CACNG4: variants seen among roughly 807,000 people sequenced by gnomAD.
CACNG4 encodes calcium voltage-gated channel auxiliary subunit gamma 4.
In CACNG4, 8 loss-of-function variants were observed where a neutral mutation model predicts 22.9. The observed-to-expected ratio is 0.35, with a 90% CI of 0.21 to 0.63. The LOEUF is 0.63. CACNG4 is among the 30% of genes least tolerant of loss of function. CACNG4 has a pLI of 0.72. For missense variants in CACNG4, 357 were observed against 455.4 expected, an observed-to-expected ratio of 0.78 and a Z score of 1.97; for synonymous variants, 188 against 191.9, an observed-to-expected ratio of 0.98 and a Z score of 0.17.
rs768277774 is a variant in CACNG4 at position 67,031,010 on chromosome 17, C to T, written c.*6C>T. 6.2e-7 allele frequency: 1 copy of T among 1,604,974 alleles called. No individual in the cohort carries two copies. Among genetic ancestry groups the T allele is most frequent in the Admixed American group, 1.7e-5 (1 of 59,676 alleles). ...GACGGACGACCCCTGTGTGAGCCGC[C>T]TGCCCTTTCTCTCCGCTCCAGCCTC... On this transcript the variant is annotated 3_prime_UTR_variant, in exon 4 of 4. Coordinates refer to ENST00000262138, the MANE Select transcript of CACNG4 (RefSeq NM_014405.4). This position sits in a 1 kb window ranked among gnomAD's most constrained non-coding sequence, Gnocchi z 4.0.
rs2035596312 is a variant in CACNG4 at position 67,030,451 on chromosome 17, C to A, written c.446-15C>A. 3 of 1,610,496 alleles carry A rather than the reference C, an allele frequency of 1.9e-6. No individual in the cohort carries two copies. Among genetic ancestry groups the A allele is most frequent in the Non-Finnish European group, 1.7e-6 (2 of 1,177,274 alleles). Reference sequence around the variant, plus strand: ...CCTCCCTGGCCCCGCTCCCCGCTCCCCGCTTCCCTTTCAGGCCTCAGTAAC... The same window carrying A: ...CCTCCCTGGCCCCGCTCCCCGCTCCACGCTTCCCTTTCAGGCCTCAGTAAC... On this transcript the variant is annotated splice_polypyrimidine_tract_variant and intron_variant, in intron 3 of 3. Coordinates refer to ENST00000262138, the MANE Select transcript of CACNG4 (RefSeq NM_014405.4). This position sits in a 1 kb window ranked among gnomAD's most constrained non-coding sequence, Gnocchi z 6.4.
At chr17:66,972,924 T>TCAAAAA (rs147142904) in intron 1 of CACNG4, among the ~76,000 whole-genome samples, 5 of 148,286 alleles carry the variant, frequency 3.4e-5, no homozygotes, top group African/African-American at 1.0e-4. Context: ...AGACTCTGTC[T>TCAAAAA]CAAAAACAAA....
Position 67,030,443 on chromosome 17 carries a change from C to A in CACNG4, c.446-23C>A. ...CCTCTCTCCCTCCCTGGCCCCGCTC[C>A]CCGCTCCCCGCTTCCCTTTCAGGCC... On this transcript the variant is annotated intron_variant, in intron 3 of 3. Transcript: ENST00000262138. The surrounding 1 kb of genome is among the most constrained non-coding windows in gnomAD (Gnocchi z 6.4). 6.2e-7 allele frequency: 1 copy of A among 1,607,982 alleles called. No individual in the cohort carries two copies. The highest frequency in any genetic ancestry group is 8.5e-7 in the Non-Finnish European group (1 of 1,175,864).
chr17:67,017,315 G>T (rs1163118507), intron 1 of CACNG4, among the ~76,000 whole-genome samples: 1 of 152,100 alleles, frequency 6.6e-6, no homozygotes, highest in Non-Finnish European at 1.5e-5. Context: ...GGGCTTAAGC[G>T]ATCCGCCCTC....
chr17:67,003,057 A>C (rs1312929540), intron 1 of CACNG4, among the ~76,000 whole-genome samples: 3 of 152,040 alleles, frequency 2.0e-5, no homozygotes, highest in African/African-American at 7.2e-5. Flanking sequence ...ATAGGGGGCA[A>C]ACCTGGCCTG....
rs201426250 is a variant in CACNG4, at chr17:67,024,996, T to C, written c.441T>C (p.Ala147=). 3 of 1,590,888 alleles carry C rather than the reference T, an allele frequency of 1.9e-6. No individual in the cohort carries two copies. The East Asian group carries it at 6.9e-5, about 37-fold the overall frequency. The part of the protein sequence containing the change: ...IVLSAGILFV[A]AGLSNIIGII... The stretch of plus-strand genomic sequence containing the variant: ...TCAGTGCCGGCATCCTCTTCGTGGC[T>C]GCAGGTGAGCCGCCCGCCCGGGCTG... Residue 147 remains alanine, a synonymous_variant, in exon 3 of 4, where the codon GCT becomes GCC. Transcript: ENST00000262138.
rs1262801308 is a variant in CACNG4 at position 66,984,206 on chromosome 17, C to T, written c.220+19075C>T. ...CCAGTTTGGCAACATAATGAGACCC[C>T]GTTTCTAACAACAACAAAAAATTAA... On this transcript the variant is annotated intron_variant, in intron 1 of 3. Transcript: ENST00000262138. This position sits in a 1 kb window ranked among gnomAD's most constrained non-coding sequence, Gnocchi z 4.0. Among the ~76,000 whole-genome samples, 1 of 152,082 alleles carries T rather than the reference C, an allele frequency of 6.6e-6. No homozygotes were observed. The highest frequency in any genetic ancestry group is 1.5e-5 in the Non-Finnish European group (1 of 68,040).
chr17:67,021,125 G>A (rs190950992), intron 2 of CACNG4, among the ~76,000 whole-genome samples: 31 of 152,160 alleles, frequency 2.0e-4, no homozygotes, highest in African/African-American at 6.3e-4. Context: ...CATTTGAGCC[G>A]AGGAAGTTGA....
chr17:66,981,257 G>C (rs1418314546), intron 1 of CACNG4, among the ~76,000 whole-genome samples: 3 of 152,212 alleles, frequency 2.0e-5, no homozygotes, highest in African/African-American at 7.2e-5. Flanking sequence ...TCCTCCAGCT[G>C]AGATTCCCAG....
intron 1 of CACNG4, among the ~76,000 whole-genome samples, chr17:66,985,558 A>G (rs1727519203): frequency 6.6e-6 from 1 of 152,152 alleles, no homozygotes; most frequent in Non-Finnish European, 1.5e-5. Context: ...AGGAGGCAAC[A>G]TTACTCTTGT....
At position 66,967,279 on chromosome 17, in the gene CACNG4, C is replaced by T. The variant is rs552959248; in HGVS notation, c.220+2148C>T. On this transcript the variant is annotated intron_variant, in intron 1 of 3. Transcript: ENST00000262138. ...GAGGGAGCCATCTGGGGGACCTCAC[C>T]GAAAGAACTGGGCTGCCTGTGTTAT... Among the ~76,000 whole-genome samples the T allele has an allele frequency of 4.6e-5, 7 of 152,276 alleles. No individual in the cohort carries two copies. In the South Asian group the frequency reaches 1.2e-3, roughly 27 times the overall value.
At chr17:67,000,516 G>A (rs2035401787) in intron 1 of CACNG4, among the ~76,000 whole-genome samples, 1 of 152,158 alleles carries the variant, frequency 6.6e-6, no homozygotes, top group South Asian at 2.1e-4. Flanking sequence ...CAGGAGCCTG[G>A]AGCCAGGAGA....
intron 1 of CACNG4, among the ~76,000 whole-genome samples, chr17:66,999,169 T>C (rs897949161): frequency 6.6e-6 from 1 of 152,116 alleles, no homozygotes; most frequent in Non-Finnish European, 1.5e-5. Context: ...AGCACCTGCA[T>C]GAGAGGGTTG....
At chr17:66,972,475 G>A (rs2035210564) in intron 1 of CACNG4, among the ~76,000 whole-genome samples, 1 of 152,186 alleles carries the variant, frequency 6.6e-6, no homozygotes, top group Admixed American at 6.5e-5. Flanking sequence ...CCAAAAATGG[G>A]CTCAGACTTT....
At position 67,030,445 on chromosome 17, in the gene CACNG4, C is replaced by T. The variant is rs773472609; in HGVS notation, c.446-21C>T. 1.0e-4 allele frequency: 162 copies of T among 1,608,268 alleles called. No homozygotes were observed. Among genetic ancestry groups the T allele is most frequent in the Non-Finnish European group, 1.3e-4 (151 of 1,176,060 alleles). ...TCTCTCCCTCCCTGGCCCCGCTCCC[C>T]GCTCCCCGCTTCCCTTTCAGGCCTC... On this transcript the variant is annotated intron_variant, in intron 3 of 3. Transcript: ENST00000262138. This position sits in a 1 kb window ranked among gnomAD's most constrained non-coding sequence, Gnocchi z 6.4.
chr17:66,996,087 G>T (rs16960452), intron 1 of CACNG4, among the ~76,000 whole-genome samples: 2 of 151,990 alleles, frequency 1.3e-5, no homozygotes, highest in South Asian at 2.1e-4. Context: ...TTCCAGGAGC[G>T]ACTGGTTGAC....
rs899635396 is a variant in CACNG4 at position 67,032,316 on chromosome 17, G to C, written c.*1312G>C. 3.3e-6 allele frequency: 1 copy of C among 300,408 alleles called. No individual in the cohort carries two copies. The highest frequency in any genetic ancestry group is 3.2e-5 in the South Asian group (1 of 31,544). 18.6% of individuals were successfully genotyped at this position (300,408 alleles called of 1,614,324 possible). A position where few individuals can be genotyped will look rare whatever the true frequency, so the allele number is the denominator to read the frequency against. On this transcript the variant is annotated 3_prime_UTR_variant, in exon 4 of 4. Coordinates refer to ENST00000262138, the MANE Select transcript of CACNG4 (RefSeq NM_014405.4). Reference sequence around the variant, plus strand: ...TGAAGCAAGCAAAGAGCGTGGAGGCGTGTGCAGGCTTGGAAGAAGAACTCT... The same window carrying C: ...TGAAGCAAGCAAAGAGCGTGGAGGCCTGTGCAGGCTTGGAAGAAGAACTCT...
In CACNG4 at chr17:67,031,997, A is replaced by G. The variant is rs777342498; in HGVS notation, c.*993A>G. ...TGGCCAATAAAAACCCTAGAGAACA[A>G]ACATCCATTTCCTAGGTGGTTACAA... On this transcript the variant is annotated 3_prime_UTR_variant, in exon 4 of 4. Transcript: ENST00000262138. The surrounding 1 kb of genome is among the most constrained non-coding windows in gnomAD (Gnocchi z 4.0). 4.4e-6 allele frequency: 2 copies of G among 456,398 alleles called. No individual in the cohort carries two copies. Among genetic ancestry groups the G allele is most frequent in the African/African-American group, 4.0e-5 (2 of 50,066 alleles). The allele number at this position is 456,398 out of a possible 1,614,324, so 28.3% of individuals were successfully genotyped here.
intron 1 of CACNG4, among the ~76,000 whole-genome samples, chr17:66,983,609 T>C (rs562873799): frequency 5.3e-4 from 81 of 152,184 alleles, no homozygotes; most frequent in African/African-American, 1.9e-3. Flanking sequence ...ACTCATGCAG[T>C]CTAAAGAGAA....
Sources: gnomAD v4.1 joint callset for allele counts (sites outside exome capture counted in the v4.1 genomes callset) on GRCh38, gnomAD v4.1.1 for gene constraint, Gnocchi (gnomAD v3.1) non-coding constraint, MANE v1.5 for transcripts, NCBI Gene and HGNC (gene_info 2026-07-23, HGNC 2026-07-21) for gene names.